NCOR2: variants seen among roughly 807,000 people sequenced by gnomAD.
NCOR2 encodes CTG repeat protein 26.
A neutral mutation model predicts 262.9 loss-of-function variants in NCOR2; 81 were observed. That is an observed-to-expected ratio of 0.31 (90% CI 0.26 to 0.37). The LOEUF is 0.37. Ranked by LOEUF, NCOR2 falls within the 10% of genes least tolerant of loss-of-function variation. The probability of loss-of-function intolerance (pLI) is 1.00; values close to 1 mark genes in which losing one functional copy is unlikely to be tolerated. For synonymous variants in NCOR2, 1,659 were observed against 1,559.3 expected (o/e 1.06, Z -1.51); for missense variants, 3,385 against 3,621.4 (o/e 0.93, Z 1.68).
intron 7 of NCOR2, among the ~76,000 whole-genome samples, chr12:124,438,758 G>C (rs1249908861): frequency 6.8e-6 from 1 of 146,546 alleles, no homozygotes; most frequent in Non-Finnish European, 1.5e-5. Context: ...GAGAGAGAGA[G>C]AGACAGAGAC....
chr12:124,383,719 A>G (rs2040582444), intron 17 of NCOR2, among the ~76,000 whole-genome samples: 1 of 152,206 alleles, frequency 6.6e-6, no homozygotes, highest in Non-Finnish European at 1.5e-5. Context: ...GACCTCTTGG[A>G]TAACAACTGT....
intron 7 of NCOR2, among the ~76,000 whole-genome samples, chr12:124,442,538 T>A (rs1485493708): frequency 1.3e-5 from 2 of 152,206 alleles, no homozygotes; most frequent in African/African-American, 4.8e-5. Flanking sequence ...TATTTGCAAC[T>A]CTTCTGTTGC....
intron 41 of NCOR2, among the ~76,000 whole-genome samples, chr12:124,333,489 AT>A (rs549652107): frequency 1.3e-5 from 2 of 151,908 alleles, no homozygotes; most frequent in South Asian, 2.1e-4. Context: ...ATGTAAAATC[AT>A]TTTTTTAGTT....
chr12:124,341,179 G>A (rs983809646), intron 34 of NCOR2, among the ~76,000 whole-genome samples: 7 of 152,128 alleles, frequency 4.6e-5, no homozygotes, highest in Non-Finnish European at 7.3e-5. Context: ...ACGTGTGCAC[G>A]CAAAGCAGCT....
chr12:124,355,868 C>T (rs190907710), intron 23 of NCOR2, among the ~76,000 whole-genome samples: 5 of 152,322 alleles, frequency 3.3e-5, no homozygotes. Flanking sequence ...CCAGTAGCCC[C>T]TTCCCCTTAT....
chr12:124,385,333 C>CGGGGG (rs2040720301), intron 17 of NCOR2, among the ~76,000 whole-genome samples: 1 of 152,142 alleles, frequency 6.6e-6, no homozygotes, highest in African/African-American at 2.4e-5. Flanking sequence ...TCAAATGGGG[C>CGGGGG]AGGGGAGCCA....
intron 6 of NCOR2, 45 bp from the exon 9 acceptor site, chr12:124,449,912 T>TGG: frequency 6.2e-7 from 1 of 1,604,322 alleles, no homozygotes; most frequent in South Asian, 1.1e-5. Flanking sequence ...GGCTGGCCAC[T>TGG]CGCCACTACA....
intron 8 of NCOR2, among the ~76,000 whole-genome samples, chr12:124,431,551 G>A (rs1162423009): frequency 2.0e-5 from 3 of 148,816 alleles, no homozygotes; most frequent in African/African-American, 7.5e-5. Context: ...CATACATACA[G>A]GCACACACAA....
intron 1 of NCOR2, among the ~76,000 whole-genome samples, chr12:124,488,039 T>C (rs2047873302): frequency 6.6e-6 from 1 of 152,110 alleles, no homozygotes; most frequent in African/African-American, 2.4e-5. Flanking sequence ...CTTTAGAGAG[T>C]GGGATTACAA....
chr12:124,402,304 G>A (rs2042027681), intron 14 of NCOR2, 100 bp downstream of exon 16: 4 of 1,558,184 alleles, frequency 2.6e-6, no homozygotes, highest in South Asian at 1.2e-5. Context: ...CAGGCAATTG[G>A]TGGGCACCCC....
chr12:124,474,773 G>A (rs1021606168), intron 3 of NCOR2, among the ~76,000 whole-genome samples: 1 of 152,122 alleles, frequency 6.6e-6, no homozygotes, highest in Non-Finnish European at 1.5e-5. Context: ...GGCTGGGATG[G>A]TCCTCCCCTA....
At chr12:124,495,319 T>C, upstream of NCOR2, 1 of 1,523,852 alleles carries the variant, frequency 6.6e-7, no homozygotes, top group East Asian at 2.4e-5. This position sits in a 1 kb window ranked among gnomAD's most constrained non-coding sequence, Gnocchi z 4.4. Context: ...CCACCAAGGA[T>C]TAAAAGCCAG....
At chr12:124,336,705 G>A in intron 38 of NCOR2, 48 bp downstream of exon 40, 4 of 1,599,148 alleles carry the variant, frequency 2.5e-6, no homozygotes, top group East Asian at 2.3e-5. Context: ...GCAATTTGAC[G>A]CATGATAATC....
intron 43 of NCOR2, among the ~76,000 whole-genome samples, 162 bp from the exon 46 acceptor site, chr12:124,331,060 TTTC>T (rs2035144172): frequency 6.8e-6 from 1 of 147,944 alleles, no homozygotes; most frequent in African/African-American, 2.5e-5. Flanking sequence ...AGCGTCTGCA[TTTC>T]TTTTTTTTTT....
intron 20 of NCOR2, among the ~76,000 whole-genome samples, chr12:124,370,537 C>T (rs960057655): frequency 6.6e-6 from 1 of 152,154 alleles, no homozygotes; most frequent in South Asian, 2.1e-4. Context: ...ACAGACCACA[C>T]TGTAGTTGAA....
At chr12:124,410,030 G>A (rs558061885) in intron 13 of NCOR2, among the ~76,000 whole-genome samples, 3 of 151,288 alleles carry the variant, frequency 2.0e-5, no homozygotes, top group Admixed American at 1.3e-4. Context: ...CATCCCTGCA[G>A]AACAGACTCA....
intron 1 of NCOR2, among the ~76,000 whole-genome samples, chr12:124,546,049 G>A (rs2051533360): frequency 6.6e-6 from 1 of 152,168 alleles, no homozygotes; most frequent in Non-Finnish European, 1.5e-5. Context: ...CTCCCTGCAG[G>A]GCTCAGCCTG....
At chr12:124,350,110 G>T (rs1284903649) in intron 28 of NCOR2, among the ~76,000 whole-genome samples, 2 of 152,148 alleles carry the variant, frequency 1.3e-5, no homozygotes, top group East Asian at 3.9e-4. Flanking sequence ...CTCTTTCCCG[G>T]CACTCGATTC....
intron 1 of NCOR2, among the ~76,000 whole-genome samples, chr12:124,528,183 C>T (rs527274766): frequency 2.8e-4 from 42 of 152,168 alleles, no homozygotes; most frequent in Admixed American, 1.0e-3. Context: ...AGCGCCTCCC[C>T]GCCTCCTCCC....
Sources: gnomAD v4.1 joint callset for allele counts (sites outside exome capture counted in the v4.1 genomes callset) on GRCh38, gnomAD v4.1.1 for gene constraint, Gnocchi (gnomAD v3.1) non-coding constraint, MANE v1.5 for transcripts, NCBI Gene and HGNC (gene_info 2026-07-23, HGNC 2026-07-21) for gene names.